Variants in RNF157 observed in about 807,000 individuals in gnomAD.
RNF157 encodes the protein E3 ubiquitin ligase RNF157.
Under a neutral mutation model 88.3 loss-of-function variants are expected in RNF157, and 55 were observed. That is an observed-to-expected ratio of 0.62 (90% CI 0.50 to 0.78). RNF157 has a LOEUF of 0.78. Ranked by LOEUF, RNF157 falls within the 30% of genes least tolerant of loss-of-function variation. The pLI, the probability that RNF157 is intolerant of heterozygous loss-of-function variation, is 0.00. For synonymous variants in RNF157, 334 were observed against 341.2 expected, an observed-to-expected ratio of 0.98 and a Z score of 0.23; for missense variants, 788 against 860.8, an observed-to-expected ratio of 0.92 and a Z score of 1.06.
intron 2 of RNF157, among the ~76,000 whole-genome samples, chr17:76,189,622 T>A (rs538236723): frequency 1.3e-5 from 2 of 152,200 alleles, no homozygotes; most frequent in South Asian, 4.1e-4. Flanking sequence ...TAAATGGATA[T>A]CAGAGAACTA....
rs2069098077 is a variant in RNF157 at position 76,176,055 on chromosome 17, G to A, written c.208-2265C>T. Among the ~76,000 whole-genome samples, 1 of 152,154 alleles carries A rather than the reference G, an allele frequency of 6.6e-6. No individual in the cohort carries two copies. Among genetic ancestry groups the A allele is most frequent in the Admixed American group, 6.5e-5 (1 of 15,280 alleles). ...ATCTGTTCAGGAGAAGCTTGTTCGT[G>A]GGCTGCTACCCACCAAAGTTTGTGC... On this transcript the variant is annotated intron_variant, in intron 2 of 18. Transcript: ENST00000269391. The surrounding 1 kb of genome is among the most constrained non-coding windows in gnomAD (Gnocchi z 4.2).
intron 17 of RNF157, chr17:76,153,023 A>G (rs539779412): frequency 6.6e-6 from 1 of 152,534 alleles, no homozygotes; most frequent in Admixed American, 6.5e-5. Flanking sequence ...TGTTATTTTC[A>G]GTGTGTTTTA....
intron 1 of RNF157, among the ~76,000 whole-genome samples, chr17:76,228,426 C>T (rs993994853): frequency 6.6e-6 from 1 of 152,298 alleles, no homozygotes; most frequent in Admixed American, 6.5e-5. Context: ...TTCCTCCTTT[C>T]CAAGGTTAAC....
intron 8 of RNF157, chr17:76,163,792 C>T (rs145120669): frequency 1.3e-5 from 2 of 152,364 alleles, no homozygotes; most frequent in African/African-American, 4.8e-5. Context: ...AGAACCAGGC[C>T]TTCCCCCATG....
intron 1 of RNF157, among the ~76,000 whole-genome samples, chr17:76,230,965 G>A (rs142099286): frequency 1.4e-3 from 208 of 148,574 alleles, no homozygotes; most frequent in African/African-American, 4.6e-3. Context: ...TAAAGTTAGG[G>A]TCTCACTCTA....
chr17:76,173,734 G>C lies in RNF157; in HGVS notation c.264C>G (p.Val88=). The change falls in exon 3 of 19, where the codon GTC becomes GTG. Residue 88 remains valine (V), a synonymous_variant. Transcript: ENST00000269391. ...GCCTCAGTGTGTCCTTTCGGATATT[G>C]ACCAGGCTTCTCAGAGTCTTCACGG... The part of the protein sequence containing the change: ...QEPVKTLRSL[V]NIRKDTLRLV... 6.2e-7 allele frequency: 1 copy of C among 1,610,788 alleles called. No homozygotes were observed. The highest frequency in any genetic ancestry group is 8.5e-7 in the Non-Finnish European group (1 of 1,178,268).
intron 2 of RNF157, 118 bp downstream of exon 2, chr17:76,212,242 CATCT>C: frequency 1.4e-6 from 1 of 692,500 alleles, no homozygotes. Flanking sequence ...TCTTCTAGTG[CATCT>C]CTCTCAACTC....
chr17:76,182,834 T>C (rs543649024), intron 2 of RNF157, among the ~76,000 whole-genome samples: 2 of 128,608 alleles, frequency 1.6e-5, no homozygotes, highest in Non-Finnish European at 3.2e-5. Context: ...ATATCCTATA[T>C]ATGATATATA....
intron 2 of RNF157, among the ~76,000 whole-genome samples, chr17:76,193,131 A>G (rs1314397198): frequency 6.6e-6 from 1 of 152,086 alleles, no homozygotes; most frequent in African/African-American, 2.4e-5. Context: ...CTCTCACTTC[A>G]TACACAAGAC....
At position 76,147,045 on chromosome 17, in the gene RNF157, A is replaced by ATC. The variant is rs1330357708; in HGVS notation, c.1922-1694_1922-1693dup. On this transcript the variant is annotated intron_variant, in intron 18 of 18. Transcript: ENST00000269391. The stretch of plus-strand genomic sequence containing the variant: ...AACAGTGAGAACAGGAGAGTCTTGG[A>ATC]TCTCTCTCTCATATCCAAACTGAAT... 4 of 985,192 alleles carry ATC rather than the reference A, an allele frequency of 4.1e-6. No homozygotes were observed. The South Asian group carries it at 1.9e-4, about 46-fold the overall frequency. The allele number at this position is 985,192 out of a possible 1,614,324, so 61.0% of individuals were successfully genotyped here. A position where few individuals can be genotyped will look rare whatever the true frequency, so the allele number is the denominator to read the frequency against.
rs1223506645 is a variant in RNF157 at position 76,161,556 on chromosome 17, T to C, written c.1044A>G (p.Thr348=). The C allele has an allele frequency of 6.2e-7, 1 of 1,614,010 alleles. No individual in the cohort carries two copies. Among genetic ancestry groups the C allele is most frequent in the Admixed American group, 1.7e-5 (1 of 60,008 alleles). The change falls in exon 11 of 19, where the codon ACA becomes ACG. Residue 348 remains threonine, a synonymous_variant. Transcript: ENST00000269391. The surrounding 1 kb of genome is among the most constrained non-coding windows in gnomAD (Gnocchi z 4.6). ...TSFNPIISSQ[T]SDSEEHPSSE... is the part of the protein sequence containing the mutation. ...TTACTGGATGCTCTTCAGAGTCAGA[T>C]GTCTGGGATGAGATGATGGGGTTAA...
intron 9 of RNF157, chr17:76,162,208 G>A (rs1442827873): frequency 1.8e-5 from 11 of 610,396 alleles, no homozygotes; most frequent in Middle Eastern, 4.3e-4. Context: ...TTGAGAGGAC[G>A]AGACTAACCA....
intron 2 of RNF157, among the ~76,000 whole-genome samples, chr17:76,177,215 G>A (rs930652136): frequency 2.6e-5 from 4 of 152,166 alleles, no homozygotes; most frequent in Non-Finnish European, 5.9e-5. Context: ...ATGCTCCACA[G>A]AGCCGGTGGA....
Position 76,159,586 on chromosome 17 carries a change from G to C in RNF157, c.1066-13C>G. The C allele has an allele frequency of 6.4e-7, 1 of 1,572,418 alleles. No individual in the cohort carries two copies. The highest frequency in any genetic ancestry group is 8.7e-7 in the Non-Finnish European group (1 of 1,150,632). Reference sequence around the variant, plus strand: ...TATTCTCTGAGGACTAGGGGAATCAGAGACAGGTTGAAAAATTAATTAGGT... The same window carrying C: ...TATTCTCTGAGGACTAGGGGAATCACAGACAGGTTGAAAAATTAATTAGGT... On this transcript the variant is annotated splice_polypyrimidine_tract_variant and intron_variant, in intron 11 of 18. Transcript: ENST00000269391.
chr17:76,224,817 T>C (rs1170115837), intron 1 of RNF157, among the ~76,000 whole-genome samples: 1 of 152,192 alleles, frequency 6.6e-6, no homozygotes. Flanking sequence ...CTGGGCCACA[T>C]GTAGCCCAGC....
At chr17:76,184,132 A>C (rs2069242780) in intron 2 of RNF157, among the ~76,000 whole-genome samples, 1 of 151,294 alleles carries the variant, frequency 6.6e-6, no homozygotes, top group Non-Finnish European at 1.5e-5. Context: ...CAGAGGTTTC[A>C]GTGAGCCAAG....
intron 1 of RNF157, among the ~76,000 whole-genome samples, chr17:76,227,733 C>T (rs2070117893): frequency 1.3e-5 from 2 of 151,800 alleles, no homozygotes; most frequent in African/African-American, 4.8e-5. Flanking sequence ...CAAAATTAGC[C>T]GGGCGTGGTG....
chr17:76,197,730 T>A (rs2069501250), intron 2 of RNF157, among the ~76,000 whole-genome samples: 1 of 152,194 alleles, frequency 6.6e-6, no homozygotes, highest in African/African-American at 2.4e-5. Context: ...CATGCCAGGC[T>A]GCTTTGGCAG....
rs1568021389 is a variant in RNF157, at chr17:76,151,636, C to G, written c.1921+719G>C. 2.0e-5 allele frequency among the ~76,000 whole-genome samples: 3 copies of G among 152,186 alleles called. No individual in the cohort carries two copies. In the South Asian group the frequency reaches 6.2e-4, roughly 32 times the overall value. On this transcript the variant is annotated intron_variant, in intron 18 of 18. Transcript: ENST00000269391. ...TTTTTGGAGCCCTTGAACGGGCACA[C>G]TAACTAAAAAGGCACTCGGTGCTTA...
Sources: gnomAD v4.1 joint callset for allele counts (sites outside exome capture counted in the v4.1 genomes callset) on GRCh38, gnomAD v4.1.1 for gene constraint, Gnocchi (gnomAD v3.1) non-coding constraint, MANE v1.5 for transcripts, NCBI Gene and HGNC (gene_info 2026-07-23, HGNC 2026-07-21) for gene names.